The following LPP variants were observed in gnomAD, a reference collection of about 807,000 sequenced individuals.
LPP encodes the protein LIM domain containing preferred translocation partner in lipoma.
A neutral mutation model predicts 60.4 loss-of-function variants in LPP; 38 were observed. The ratio of observed to expected loss-of-function variants is 0.63; its 90% CI spans 0.49 to 0.83. The LOEUF (loss-of-function observed/expected upper bound fraction) is 0.83. Ranked by LOEUF, LPP falls within the 40% of genes least tolerant of loss-of-function variation. LPP has a pLI of 0.00. For missense variants in LPP, 902 were observed against 783.6 expected (o/e 1.15, Z -1.80); for synonymous variants, 328 against 290.8 (o/e 1.13, Z -1.30).
chr3:188,407,768 G>GTTTTTTTTTTTT (rs760058728), intron 4 of LPP, among the ~76,000 whole-genome samples: 2 of 61,282 alleles, frequency 3.3e-5, no homozygotes, highest in African/African-American at 9.0e-5. Context: ...CTCATTTATG[G>GTTTTTTTTTTTT]TTTTTTTTTT....
chr3:188,778,162 A>G (rs1738425005), intron 9 of LPP, among the ~76,000 whole-genome samples: 1 of 152,220 alleles, frequency 6.6e-6, no homozygotes, highest in South Asian at 2.1e-4. Flanking sequence ...AATTTCAGGT[A>G]CAATTCAGTA....
In LPP at chr3:188,759,372, A is replaced by G. The variant is rs895210618; in HGVS notation, c.1241-741A>G. 7 of 152,362 alleles carry G rather than the reference A, an allele frequency of 4.6e-5. 1 individual carries two copies. The East Asian group carries it at 5.8e-4, about 13-fold the overall frequency. 9.4% of individuals were successfully genotyped at this position (152,362 alleles called of 1,614,324 possible). A position where few individuals can be genotyped will look rare whatever the true frequency, so the allele number is the denominator to read the frequency against. ...TCAAAACCCTACAGTATATGAAACT[A>G]TTGCAGGATGTGTGGATGTTCAAAG... On this transcript the variant is annotated intron_variant, in intron 8 of 11. Coordinates refer to ENST00000617246, the MANE Select transcript of LPP (RefSeq NM_001375462.1).
At chr3:188,771,251 T>G (rs1735863360) in intron 9 of LPP, among the ~76,000 whole-genome samples, 1 of 151,654 alleles carries the variant, frequency 6.6e-6, no homozygotes, top group Non-Finnish European at 1.5e-5. Flanking sequence ...CAAAAAAAAT[T>G]TAAAAAGAAA....
Position 188,458,724 on chromosome 3 carries a change from A to G in LPP, c.194-25868A>G, listed in dbSNP as rs77425953. On this transcript the variant is annotated intron_variant, in intron 4 of 11. Transcript: ENST00000617246. ...GGTATGTCTAAAACATCTCTCAACCATAAATAACATGTCAGGAGAGCTCTT... is the reference window on the plus strand; with the variant it reads ...GGTATGTCTAAAACATCTCTCAACCGTAAATAACATGTCAGGAGAGCTCTT... 7.2e-3 allele frequency among the ~76,000 whole-genome samples: 1,094 copies of G among 152,322 alleles called. 12 individuals are homozygous for G. The highest frequency in any genetic ancestry group is 0.025 in the African/African-American group (1,038 of 41,572).
At chr3:188,868,215 A>G (rs1447292260) in intron 10 of LPP, among the ~76,000 whole-genome samples, 3 of 152,336 alleles carry the variant, frequency 2.0e-5, no homozygotes, top group South Asian at 4.1e-4. Context: ...TCCTAATCCA[A>G]GAAAGACTGA....
At chr3:188,406,418 A>C in intron 4 of LPP, 105 bp downstream of exon 4, 1 of 1,051,094 alleles carries the variant, frequency 9.5e-7, no homozygotes, top group Non-Finnish European at 1.4e-6. Context: ...TTGTGAATTC[A>C]CAGCGTGGGT....
chr3:188,516,380 C>T (rs1188639975), intron 5 of LPP, among the ~76,000 whole-genome samples: 4 of 151,904 alleles, frequency 2.6e-5, no homozygotes, highest in South Asian at 2.1e-4. Flanking sequence ...TACCAGGATC[C>T]GTTTGGTGAG....
At chr3:188,846,683 CA>C (rs34230552) in intron 9 of LPP, among the ~76,000 whole-genome samples, 36,687 of 84,468 alleles carry the variant, frequency 0.43, 4,597 homozygotes, top group East Asian at 0.68. Flanking sequence ...GATTCCATCT[CA>C]AAAAAAAAAA....
chr3:188,728,556 C>T (rs2149997954), intron 8 of LPP, among the ~76,000 whole-genome samples: 1 of 152,238 alleles, frequency 6.6e-6, no homozygotes, highest in Non-Finnish European at 1.5e-5. Context: ...TATACCTATT[C>T]ACTTCGTTTA....
chr3:188,691,630 G>T (rs908584502), intron 7 of LPP, among the ~76,000 whole-genome samples: 2 of 152,156 alleles, frequency 1.3e-5, no homozygotes, highest in African/African-American at 2.4e-5. Context: ...GAAGATGATT[G>T]CGCCCACTTG....
intron 6 of LPP, among the ~76,000 whole-genome samples, chr3:188,576,687 T>G (rs1332413311): frequency 6.6e-6 from 1 of 152,104 alleles, no homozygotes; most frequent in Non-Finnish European, 1.5e-5. Context: ...GAAAATTATG[T>G]TAGTCTTGCT....
rs5855203 is a variant in LPP at position 188,497,010 on chromosome 3, A to ATT, written c.306+12316_306+12317dup. On this transcript the variant is annotated intron_variant, in intron 5 of 11. Transcript: ENST00000617246. ...CTAGTGGAAAAAAAGTTTCTGTGGC[A>ATT]TTTTTTTTTTTAAGGAATACAGGAT... Among the ~76,000 whole-genome samples the ATT allele has an allele frequency of 1.1e-3, 163 of 148,850 alleles. 1 individual carries two copies. The highest frequency in any genetic ancestry group is 3.8e-3 in the South Asian group (18 of 4,706).
intron 2 of LPP, among the ~76,000 whole-genome samples, chr3:188,268,391 G>A (rs2149764217): frequency 6.6e-6 from 1 of 152,274 alleles, no homozygotes; most frequent in South Asian, 2.1e-4. Flanking sequence ...TCGTGAATTG[G>A]GCAGGCCCCA....
intron 9 of LPP, among the ~76,000 whole-genome samples, chr3:188,824,746 G>A (rs770301636): frequency 5.9e-5 from 9 of 152,168 alleles, no homozygotes; most frequent in East Asian, 1.9e-4. Context: ...CTTATTCTGA[G>A]TGCCGTCAGA....
intron 7 of LPP, among the ~76,000 whole-genome samples, chr3:188,659,455 A>G (rs1331673694): frequency 3.9e-5 from 6 of 152,226 alleles, no homozygotes; most frequent in African/African-American, 1.2e-4. Context: ...CTGTGTAGTT[A>G]ACTAGCTGCT....
chr3:188,621,468 G>A (rs1474792095), intron 7 of LPP, among the ~76,000 whole-genome samples: 1 of 152,078 alleles, frequency 6.6e-6, no homozygotes, highest in African/African-American at 2.4e-5. Flanking sequence ...ATGGCCTCTA[G>A]CTCCATCTAT....
At chr3:188,544,619 G>A (rs1826048336) in intron 6 of LPP, among the ~76,000 whole-genome samples, 1 of 128,638 alleles carries the variant, frequency 7.8e-6, no homozygotes, top group Non-Finnish European at 1.6e-5. Flanking sequence ...TGCTGGAGAG[G>A]ATGTGGAGAA....
chr3:188,628,278 GA>G (rs1422750275), intron 7 of LPP, among the ~76,000 whole-genome samples: 1 of 151,408 alleles, frequency 6.6e-6, no homozygotes, highest in African/African-American at 2.4e-5. Context: ...ATTCTGATAT[GA>G]AAACCATACA....
At position 188,696,636 on chromosome 3, in the gene LPP, G is replaced by C. The variant is rs181015791; in HGVS notation, c.1114-11631G>C. 9.2e-5 allele frequency among the ~76,000 whole-genome samples: 14 copies of C among 152,226 alleles called. No homozygotes were observed. In the East Asian group the frequency reaches 2.5e-3, roughly 27 times the overall value. On this transcript the variant is annotated intron_variant, in intron 7 of 11. Transcript: ENST00000617246. ...ATTCTATTTACCCCATTTTATTTTT[G>C]AAATAACTAATAGGTAGTAAAATTC... is the stretch of plus-strand genomic sequence containing the variant.
Sources: gnomAD v4.1 joint callset for allele counts (sites outside exome capture counted in the v4.1 genomes callset) on GRCh38, gnomAD v4.1.1 for gene constraint, MANE v1.5 for transcripts, NCBI Gene and HGNC (gene_info 2026-07-23, HGNC 2026-07-21) for gene names.